ST6GALNAC3: variants seen among roughly 807,000 people sequenced by gnomAD.
ST6GALNAC3 encodes alpha-N-acetylgalactosaminide alpha-2,6-sialyltransferase 3.
Under a neutral mutation model 32.7 loss-of-function variants are expected in ST6GALNAC3, and 25 were observed. That is an observed-to-expected ratio of 0.76 (90% confidence interval 0.56 to 1.07). The LOEUF (loss-of-function observed/expected upper bound fraction) is 1.07. Ranked by LOEUF, ST6GALNAC3 falls within the 50% of genes least tolerant of loss-of-function variation. ST6GALNAC3 has a pLI of 0.00. For synonymous variants in ST6GALNAC3, 129 were observed against 133.1 expected (o/e 0.97, Z 0.21); for missense variants, 355 against 382.4 (o/e 0.93, Z 0.60).
At chr1:76,261,481 C>G (rs1045356002) in intron 1 of ST6GALNAC3, among the ~76,000 whole-genome samples, 5 of 152,214 alleles carry the variant, frequency 3.3e-5, no homozygotes, top group African/African-American at 1.2e-4. Context: ...GGTGAGAGAG[C>G]CATCCAGTAG....
At chr1:76,550,219 A>G (rs1438222084) in intron 3 of ST6GALNAC3, among the ~76,000 whole-genome samples, 2 of 152,092 alleles carry the variant, frequency 1.3e-5, no homozygotes, top group African/African-American at 4.8e-5. Flanking sequence ...TGGGCTTTTT[A>G]TGTCTCATAT....
intron 2 of ST6GALNAC3, chr1:76,353,935 C>T (rs1308959236): frequency 1.1e-5 from 2 of 178,258 alleles, no homozygotes; most frequent in East Asian, 2.7e-4. Context: ...GGTGAAAGCC[C>T]CAGGGATTCT....
chr1:76,628,862 T>G lies in ST6GALNAC3; in HGVS notation c.*56T>G. The G allele has an allele frequency of 6.3e-7, 1 of 1,588,256 alleles. No individual in the cohort carries two copies. The highest frequency in any genetic ancestry group is 8.5e-7 in the Non-Finnish European group (1 of 1,172,370). ...TAATGTGATCCCCATACTGCAACTG[T>G]GATGCTGATGATGCTAATGGAGATG... On this transcript the variant is annotated 3_prime_UTR_variant, in exon 5 of 5. Coordinates refer to ENST00000328299, the MANE Select transcript of ST6GALNAC3 (RefSeq NM_152996.4).
At chr1:76,195,905 A>C (rs1654178018) in intron 1 of ST6GALNAC3, among the ~76,000 whole-genome samples, 2 of 152,236 alleles carry the variant, frequency 1.3e-5, no homozygotes, top group Non-Finnish European at 2.9e-5. Flanking sequence ...TAGGGAAGCC[A>C]TTAACTGAGG....
chr1:76,312,811 C>A (rs565651437), intron 1 of ST6GALNAC3, among the ~76,000 whole-genome samples: 2 of 152,268 alleles, frequency 1.3e-5, no homozygotes, highest in South Asian at 4.1e-4. Context: ...CTTCTTCGTG[C>A]TCCAGTAAGA....
intron 2 of ST6GALNAC3, among the ~76,000 whole-genome samples, chr1:76,410,207 G>A (rs996647130): frequency 6.6e-6 from 1 of 152,100 alleles, no homozygotes; most frequent in African/African-American, 2.4e-5. Context: ...TATCTGTCTG[G>A]CCTCAGTACC....
chr1:76,465,010 C>T (rs1028186278), intron 3 of ST6GALNAC3, among the ~76,000 whole-genome samples: 1 of 152,056 alleles, frequency 6.6e-6, no homozygotes, highest in African/African-American at 2.4e-5. Flanking sequence ...CAAAATCAGG[C>T]GTTCTATAAA....
chr1:76,088,082 G>C (rs1008800001), intron 1 of ST6GALNAC3, among the ~76,000 whole-genome samples: 3 of 152,166 alleles, frequency 2.0e-5, no homozygotes, highest in African/African-American at 7.2e-5. Flanking sequence ...TGTGCAGTAA[G>C]GACTAGGCAT....
chr1:76,414,085 C>T (rs1654454773), intron 3 of ST6GALNAC3, among the ~76,000 whole-genome samples: 1 of 151,910 alleles, frequency 6.6e-6, no homozygotes, highest in Non-Finnish European at 1.5e-5. Context: ...GGAGACAACA[C>T]CATCACATAT....
At chr1:76,299,230 TTCTC>T (rs1426174555) in intron 1 of ST6GALNAC3, among the ~76,000 whole-genome samples, 1 of 152,002 alleles carries the variant, frequency 6.6e-6, no homozygotes, top group Non-Finnish European at 1.5e-5. Context: ...GAGGCGGCCT[TTCTC>T]TTCTTGCTGC....
At chr1:76,290,626 G>A (rs529580073) in intron 1 of ST6GALNAC3, among the ~76,000 whole-genome samples, 2 of 152,164 alleles carry the variant, frequency 1.3e-5, no homozygotes, top group Admixed American at 1.3e-4. Context: ...TGAATAGCAT[G>A]TCCAGGACCA....
chr1:76,200,193 C>G (rs1045025659), intron 1 of ST6GALNAC3, among the ~76,000 whole-genome samples: 1 of 152,196 alleles, frequency 6.6e-6, no homozygotes, highest in Admixed American at 6.5e-5. Flanking sequence ...CTGATCAGCA[C>G]CTGCATCTGA....
chr1:76,320,738 C>T (rs1438571293), intron 2 of ST6GALNAC3, among the ~76,000 whole-genome samples: 2 of 151,984 alleles, frequency 1.3e-5, no homozygotes, highest in Admixed American at 1.3e-4. Context: ...AGGAGTAATA[C>T]ATACATGTAA....
chr1:76,140,336 A>G (rs1650233980), intron 1 of ST6GALNAC3, among the ~76,000 whole-genome samples: 1 of 152,162 alleles, frequency 6.6e-6, no homozygotes, highest in African/African-American at 2.4e-5. Flanking sequence ...GTGCCTCTGA[A>G]GGAAGGAAGG....
intron 3 of ST6GALNAC3, among the ~76,000 whole-genome samples, chr1:76,484,717 T>C (rs1571378368): frequency 6.6e-6 from 1 of 152,244 alleles, no homozygotes; most frequent in East Asian, 1.9e-4. Flanking sequence ...CCTTTCTTTC[T>C]TTCTCCTGCC....
intron 3 of ST6GALNAC3, among the ~76,000 whole-genome samples, chr1:76,423,206 T>G (rs1655151396): frequency 6.6e-6 from 1 of 152,008 alleles, no homozygotes; most frequent in Non-Finnish European, 1.5e-5. Flanking sequence ...TCCAATAATA[T>G]GTAATTTCTT....
chr1:76,236,144 C>T (rs151260726), intron 1 of ST6GALNAC3, among the ~76,000 whole-genome samples: 2,684 of 152,126 alleles, frequency 0.018, 89 homozygotes, highest in African/African-American at 0.06. Flanking sequence ...GACAGGGTTT[C>T]GCCATGTTGG....
intron 1 of ST6GALNAC3, among the ~76,000 whole-genome samples, chr1:76,104,802 T>TA (rs1335697603): frequency 1.3e-5 from 2 of 152,160 alleles, no homozygotes; most frequent in Admixed American, 1.3e-4. Context: ...GGGGAGGCCT[T>TA]ACAATCGTGG....
At chr1:76,497,350 G>A (rs912721807) in intron 3 of ST6GALNAC3, among the ~76,000 whole-genome samples, 7 of 152,124 alleles carry the variant, frequency 4.6e-5, no homozygotes, top group African/African-American at 1.4e-4. Flanking sequence ...CAAATTAAGA[G>A]AAATAGAGAG....
Sources: gnomAD v4.1 joint callset for allele counts (sites outside exome capture counted in the v4.1 genomes callset) on GRCh38, gnomAD v4.1.1 for gene constraint, MANE v1.5 for transcripts, NCBI Gene and HGNC (gene_info 2026-07-23, HGNC 2026-07-21) for gene names.